The following INTS9 variants were observed in gnomAD, a reference collection of about 807,000 sequenced individuals.
The protein encoded by INTS9 is protein related to CPSF subunits of 74 kDa.
A neutral mutation model predicts 79.7 loss-of-function variants in INTS9; 55 were observed. The observed-to-expected ratio is 0.69, with a 90% CI of 0.56 to 0.86. The LOEUF is 0.86. Ranked by LOEUF, INTS9 falls within the 40% of genes least tolerant of loss-of-function variation. INTS9 has a pLI of 0.00. For missense variants in INTS9, 721 were observed against 831.5 expected, an observed-to-expected ratio of 0.87 and a Z score of 1.64; for synonymous variants, 319 against 325.2, an observed-to-expected ratio of 0.98 and a Z score of 0.20.
chr8:28,864,179 CA>C (rs1180839647), intron 1 of INTS9, among the ~76,000 whole-genome samples: 1 of 151,896 alleles, frequency 6.6e-6, no homozygotes, highest in Non-Finnish European at 1.5e-5. Flanking sequence ...CCTGTCTGTA[CA>C]AAAAATAAAA....
chr8:28,820,040 G>C (rs1037187562), intron 6 of INTS9, among the ~76,000 whole-genome samples: 6 of 152,086 alleles, frequency 3.9e-5, no homozygotes, highest in Non-Finnish European at 8.8e-5. Flanking sequence ...TTGAGCCTAT[G>C]TGTGTCTCTG....
At chr8:28,858,609 C>A (rs1453229967) in intron 2 of INTS9, among the ~76,000 whole-genome samples, 2 of 152,170 alleles carry the variant, frequency 1.3e-5, no homozygotes, top group Non-Finnish European at 2.9e-5. Flanking sequence ...CCTTACTGTG[C>A]CCCTTATCTC....
intron 8 of INTS9, among the ~76,000 whole-genome samples, chr8:28,800,244 G>A (rs241167): frequency 0.56 from 85,200 of 152,092 alleles, 25,039 homozygotes; most frequent in Non-Finnish European, 0.66. Context: ...GGTAGGAAAC[G>A]TCAGAATTTC....
At chr8:28,825,182 A>C (rs1308331420) in intron 6 of INTS9, among the ~76,000 whole-genome samples, 1 of 152,220 alleles carries the variant, frequency 6.6e-6, no homozygotes, top group Non-Finnish European at 1.5e-5. Context: ...GCTGCCCTGC[A>C]CAGAAAATGA....
intron 1 of INTS9, among the ~76,000 whole-genome samples, chr8:28,881,145 C>T (rs1264663820): frequency 1.1e-4 from 16 of 146,416 alleles, no homozygotes; most frequent in Admixed American, 4.0e-4. Flanking sequence ...GCCCCCCGCC[C>T]GGCTGGCCGC....
At chr8:28,858,600 C>G (rs1307801459) in intron 2 of INTS9, among the ~76,000 whole-genome samples, 2 of 152,194 alleles carry the variant, frequency 1.3e-5, no homozygotes, top group African/African-American at 4.8e-5. Flanking sequence ...CTTACACCAC[C>G]TTACTGTGCC....
At chr8:28,812,513 A>G (rs1425825955) in intron 7 of INTS9, 52 bp from the exon 8 acceptor site, 11 of 1,571,410 alleles carry the variant, frequency 7.0e-6, no homozygotes, top group Middle Eastern at 1.7e-4. Flanking sequence ...TGACAGTCAC[A>G]TGAGGTAATT....
rs185348800 is a variant in INTS9, at chr8:28,770,720, C to T, written c.1662+262G>A. Among the ~76,000 whole-genome samples the T allele has an allele frequency of 4.5e-3, 687 of 152,334 alleles. 9 individuals carry two copies. Among genetic ancestry groups the T allele is most frequent in the African/African-American group, 0.015 (616 of 41,586 alleles). ...GCCCTCCGGTTCCAGCCCCCAAGGGCAGGGCTGCACCTGCCACCCTGCACG... is the reference window on the plus strand; with the variant it reads ...GCCCTCCGGTTCCAGCCCCCAAGGGTAGGGCTGCACCTGCCACCCTGCACG... On this transcript the variant is annotated intron_variant, in intron 15 of 16. Transcript: ENST00000521022.
chr8:28,769,752 G>T, intron 16 of INTS9, 137 bp downstream of exon 16: 1 of 1,160,434 alleles, frequency 8.6e-7, no homozygotes, highest in Non-Finnish European at 1.2e-6. Context: ...CAGGACCTTA[G>T]ACCAAACAGA....
At chr8:28,814,671 ATG>A (rs1195185282) in intron 6 of INTS9, among the ~76,000 whole-genome samples, 1 of 152,148 alleles carries the variant, frequency 6.6e-6, no homozygotes, top group Non-Finnish European at 1.5e-5. Flanking sequence ...GGGAGTAAAA[ATG>A]AAAGTCTGGA....
At chr8:28,850,186 G>A (rs753973510) in intron 3 of INTS9, 27 bp downstream of exon 3, 5 of 1,591,068 alleles carry the variant, frequency 3.1e-6, no homozygotes, top group Admixed American at 1.7e-5. Flanking sequence ...CTGTAGATAG[G>A]CTTTAGTTTG....
In INTS9 at chr8:28,841,105, G is replaced by A. The variant is rs557218076; in HGVS notation, c.262-3329C>T. Among the ~76,000 whole-genome samples the A allele has an allele frequency of 5.3e-5, 8 of 152,270 alleles. No homozygotes were observed. In the East Asian group the frequency reaches 1.5e-3, roughly 29 times the overall value. Reference sequence around the variant, plus strand: ...GCTGCCAGGCAGCATCGGCCCCCGAGGACAGGATGCCAGCAGAGGTCATAA... The same window carrying A: ...GCTGCCAGGCAGCATCGGCCCCCGAAGACAGGATGCCAGCAGAGGTCATAA... On this transcript the variant is annotated intron_variant, in intron 4 of 16. Transcript: ENST00000521022.
chr8:28,852,390 T>C (rs1243365320), intron 2 of INTS9, among the ~76,000 whole-genome samples: 3 of 152,070 alleles, frequency 2.0e-5, no homozygotes, highest in African/African-American at 7.2e-5. Context: ...AAATATGCTA[T>C]TACCATTAGT....
chr8:28,800,681 T>C (rs1804465907), intron 8 of INTS9, among the ~76,000 whole-genome samples: 1 of 152,164 alleles, frequency 6.6e-6, no homozygotes, highest in African/African-American at 2.4e-5. Flanking sequence ...ACCTGCACCC[T>C]GGAGAAAAGT....
At chr8:28,775,671 A>G (rs371680497) in intron 14 of INTS9, 88 bp downstream of exon 14, 2 of 1,390,892 alleles carry the variant, frequency 1.4e-6, no homozygotes, top group Non-Finnish European at 2.0e-6. Context: ...TATACTTGAC[A>G]TAAATCCAAA....
At chr8:28,875,791 A>C (rs921603765) in intron 1 of INTS9, among the ~76,000 whole-genome samples, 8 of 152,254 alleles carry the variant, frequency 5.3e-5, no homozygotes, top group Non-Finnish European at 8.8e-5. Flanking sequence ...ATAGTGAGTT[A>C]CTGATAGGTA....
In INTS9 at chr8:28,786,356, G is replaced by A. The variant is rs924982360; in HGVS notation, c.1098+1473C>T. ...GTGTGCAGTAAGTAGCACGATTGCA[G>A]TTCACTGCAGCAGCCTCGAACTCCC... On this transcript the variant is annotated intron_variant, in intron 11 of 16. Transcript: ENST00000521022. Among the ~76,000 whole-genome samples the A allele has an allele frequency of 4.0e-5, 6 of 151,854 alleles. No homozygotes were observed. The South Asian group carries it at 1.2e-3, about 31-fold the overall frequency.
rs10580665 is a variant in INTS9 at position 28,870,349 on chromosome 8, CTTTTTTTTTTTTT to C, written c.10-10799_10-10787del. 9.8e-3 allele frequency among the ~76,000 whole-genome samples: 791 copies of C among 80,652 alleles called. 17 individuals are homozygous for C. Among genetic ancestry groups the C allele is most frequent in the African/African-American group, 0.036 (759 of 20,914 alleles). 52.9% of individuals were successfully genotyped at this position (80,652 alleles called of 152,430 possible). ...TTTTTTTTTTAGAATCAGAAAAAAG[CTTTTTTTTTTTTT>C]TTTTTTTTTGAATAGAGTCACTACC... On this transcript the variant is annotated intron_variant, in intron 1 of 16. Coordinates refer to ENST00000521022, the MANE Select transcript of INTS9 (RefSeq NM_018250.4).
intron 6 of INTS9, among the ~76,000 whole-genome samples, chr8:28,816,686 G>T (rs1488289284): frequency 2.0e-5 from 3 of 146,998 alleles, no homozygotes; most frequent in Non-Finnish European, 4.5e-5. Flanking sequence ...GGATGGCTGG[G>T]TCAAATGGTA....
Sources: allele counts gnomAD v4.1 joint callset (sites outside exome capture counted in the v4.1 genomes callset), GRCh38; gene constraint gnomAD v4.1.1; transcripts MANE v1.5; gene names NCBI Gene and HGNC (gene_info 2026-07-23, HGNC 2026-07-21).